Variants in SUMO2 observed in about 807,000 individuals in gnomAD.
SUMO2 encodes the protein small ubiquitin-related modifier 2.
Under a neutral mutation model 16.0 loss-of-function variants are expected in SUMO2, and 1 was observed. The observed-to-expected ratio is 0.06, with a 90% CI of 0.02 to 0.30. The LOEUF (loss-of-function observed/expected upper bound fraction) is 0.30. Among genes scored for constraint, SUMO2 ranks in the 10% least tolerant of loss-of-function variants. SUMO2 has a pLI of 1.00. For missense variants in SUMO2, 16 were observed against 117.5 expected, an observed-to-expected ratio of 0.14 and a Z score of 3.99; for synonymous variants, 36 against 40.6, an observed-to-expected ratio of 0.89 and a Z score of 0.43.
chr17:75,174,346 G>A (rs147546698), intron 3 of SUMO2, among the ~76,000 whole-genome samples: 15 of 152,208 alleles, frequency 9.9e-5, no homozygotes, highest in Admixed American at 4.6e-4. Context: ...ACCCAAGATC[G>A]TGACACTGTA....
rs768597746 is a variant in SUMO2 at position 75,181,099 on chromosome 17, A to ATGCCTCTTAATCTTAAACTGC, written c.90_110dup (p.Arg36_His37insGlnGlnPheLysIleLysArg). 1 of 1,614,096 alleles carries ATGCCTCTTAATCTTAAACTGC rather than the reference A, an allele frequency of 6.2e-7. No individual in the cohort carries two copies. Among genetic ancestry groups the ATGCCTCTTAATCTTAAACTGC allele is most frequent in the African/African-American group, 1.3e-5 (1 of 75,042 alleles). ...CTTTCATTAGTTTACTAAGTGGTGT[A>ATGCCTCTTAATCTTAAACTGC]TGCCTCTTAATCTTAAACTGCACCA... On this transcript the variant is annotated inframe_insertion, in exon 2 of 4. Transcript: ENST00000420826.
At chr17:75,182,657 G>A (rs2074838896) in intron 1 of SUMO2, 157 bp downstream of exon 1, 2 of 473,656 alleles carry the variant, frequency 4.2e-6, no homozygotes, top group Non-Finnish European at 3.2e-6. Flanking sequence ...AGAGAGGGAG[G>A]GAGGAAAATG....
intron 2 of SUMO2, among the ~76,000 whole-genome samples, chr17:75,179,217 A>G (rs2074807598): frequency 1.3e-5 from 2 of 152,090 alleles, no homozygotes; most frequent in African/African-American, 4.8e-5. Flanking sequence ...GATTTCAGCA[A>G]AATTCTTCAA....
At chr17:75,171,391 G>C (rs988188650) in intron 3 of SUMO2, among the ~76,000 whole-genome samples, 1 of 151,560 alleles carries the variant, frequency 6.6e-6, no homozygotes, top group African/African-American at 2.4e-5. Context: ...GTGGGCGCCT[G>C]TAATCCCAGC....
At chr17:75,171,636 T>C (rs2074739550) in intron 3 of SUMO2, among the ~76,000 whole-genome samples, 1 of 152,164 alleles carries the variant, frequency 6.6e-6, no homozygotes, top group Non-Finnish European at 1.5e-5. Context: ...CAATTCCAAA[T>C]TCTTCAAAAT....
At chr17:75,177,071 T>C (rs1038095131) in intron 2 of SUMO2, among the ~76,000 whole-genome samples, 6 of 150,870 alleles carry the variant, frequency 4.0e-5, no homozygotes, top group African/African-American at 1.5e-4. Context: ...TAGTCCCAGC[T>C]ACTCCAGCCG....
In SUMO2 at chr17:75,181,947, A is replaced by C. The variant is rs573868795; in HGVS notation, c.22-759T>G. ...GTGCAGAAGCAATTCTGTAGCCCTA[A>C]AACGCTCCAGAAAGTAAAGGCGCGG... On this transcript the variant is annotated intron_variant, in intron 1 of 3. Transcript: ENST00000420826. 3.9e-5 allele frequency among the ~76,000 whole-genome samples: 6 copies of C among 152,222 alleles called. No homozygotes were observed. The South Asian group carries it at 6.2e-4, about 16-fold the overall frequency.
intron 2 of SUMO2, among the ~76,000 whole-genome samples, chr17:75,180,417 A>AAAC (rs2074819751): frequency 1.4e-5 from 2 of 143,316 alleles, no homozygotes; most frequent in South Asian, 4.5e-4. Context: ...AAAAAAAAAA[A>AAAC]AAAACGACTT....
At chr17:75,182,753 C>T in intron 1 of SUMO2, 61 bp downstream of exon 1, 1 of 1,265,596 alleles carries the variant, frequency 7.9e-7, no homozygotes, top group Non-Finnish European at 1.0e-6. Context: ...TCTGGCCGGA[C>T]CCCGGCCCGC....
chr17:75,174,953 A>G, intron 2 of SUMO2, 130 bp from the exon 3 acceptor site: 1 of 796,394 alleles, frequency 1.3e-6, no homozygotes, highest in African/African-American at 1.7e-5. Flanking sequence ...ACATGTTAAC[A>G]TACCCTATAG....
chr17:75,181,031 TG>T, intron 2 of SUMO2, 25 bp downstream of exon 2: 1 of 1,612,206 alleles, frequency 6.2e-7, no homozygotes, highest in Non-Finnish European at 8.5e-7. Context: ...TTTTATTCAG[TG>T]GAAGTACACA....
intron 3 of SUMO2, among the ~76,000 whole-genome samples, chr17:75,174,250 C>T (rs1443040960): frequency 6.6e-6 from 1 of 151,986 alleles, no homozygotes; most frequent in African/African-American, 2.4e-5. Flanking sequence ...ATTAGCCAGG[C>T]ATGGTGGTGC....
In SUMO2 at chr17:75,165,666, A is replaced by C. The variant is rs1319213975; in HGVS notation, c.*2673T>G. ...CAACAAGCATTAGGATACTATCTCTAGTCCCAGTTTTATAGTCACCGTCTA... is the reference window on the plus strand; with the variant it reads ...CAACAAGCATTAGGATACTATCTCTCGTCCCAGTTTTATAGTCACCGTCTA... On this transcript the variant is annotated 3_prime_UTR_variant, in exon 4 of 4. Coordinates refer to ENST00000420826, the MANE Select transcript of SUMO2 (RefSeq NM_006937.4). The C allele has an allele frequency of 4.3e-5, 2 of 46,232 alleles. No individual in the cohort carries two copies. 2.9% of individuals were successfully genotyped at this position (46,232 alleles called of 1,614,324 possible).
At chr17:75,180,976 C>A (rs946396719) in intron 2 of SUMO2, 81 bp downstream of exon 2, 1 of 1,539,694 alleles carries the variant, frequency 6.5e-7, no homozygotes, top group African/African-American at 1.4e-5. Flanking sequence ...CTGTAATGTG[C>A]TAGTCTAGTT....
chr17:75,179,288 G>C (rs1463595069), intron 2 of SUMO2, among the ~76,000 whole-genome samples: 1 of 152,092 alleles, frequency 6.6e-6, no homozygotes, highest in Non-Finnish European at 1.5e-5. Context: ...CAGCACTTTG[G>C]GAGGATGAGG....
chr17:75,173,144 G>C (rs1465325527), intron 3 of SUMO2, among the ~76,000 whole-genome samples: 1 of 152,084 alleles, frequency 6.6e-6, no homozygotes, highest in Non-Finnish European at 1.5e-5. Flanking sequence ...TCACAACATT[G>C]TAAAATATGT....
At chr17:75,174,679 G>A (rs2074768021) in intron 3 of SUMO2, 73 bp downstream of exon 3, 4 of 1,425,208 alleles carry the variant, frequency 2.8e-6, no homozygotes, top group African/African-American at 1.4e-5. Context: ...GTGTCTAAAC[G>A]TTCAAATTCA....
intron 1 of SUMO2, 53 bp from the exon 2 acceptor site, chr17:75,181,241 T>C: frequency 6.3e-7 from 1 of 1,592,552 alleles, no homozygotes; most frequent in Non-Finnish European, 8.6e-7. Context: ...AACGAACACG[T>C]TTTATAAAGC....
At position 75,166,759 on chromosome 17, in the gene SUMO2, C is replaced by T. The variant is rs1265484934; in HGVS notation, c.*1580G>A. Reference sequence around the variant, plus strand: ...GATCACACCATTGCACCACTCCAGACTAGGCAACAGAGGCATAACCTCTTT... The same window carrying T: ...GATCACACCATTGCACCACTCCAGATTAGGCAACAGAGGCATAACCTCTTT... On this transcript the variant is annotated 3_prime_UTR_variant, in exon 4 of 4. Coordinates refer to ENST00000420826, the MANE Select transcript of SUMO2 (RefSeq NM_006937.4). 1 of 151,314 alleles carries T rather than the reference C, an allele frequency of 6.6e-6. No homozygotes were observed. Among genetic ancestry groups the T allele is most frequent in the East Asian group, 2.0e-4 (1 of 5,058 alleles). 9.4% of individuals were successfully genotyped at this position (151,314 alleles called of 1,614,324 possible).
Sources: allele counts gnomAD v4.1 joint callset (sites outside exome capture counted in the v4.1 genomes callset), GRCh38; gene constraint gnomAD v4.1.1; transcripts MANE v1.5; gene names NCBI Gene and HGNC (gene_info 2026-07-23, HGNC 2026-07-21).